GLIS3: variants seen among roughly 807,000 people sequenced by gnomAD.
The protein encoded by GLIS3 is GLIS family zinc finger 3.
Under a neutral mutation model 78.6 loss-of-function variants are expected in GLIS3, and 53 were observed. The ratio of observed to expected loss-of-function variants is 0.67; its 90% CI spans 0.54 to 0.85. GLIS3 has a LOEUF of 0.85. Among genes scored for constraint, GLIS3 ranks in the 40% least tolerant of loss-of-function variants. GLIS3 has a pLI of 0.00. For synonymous variants in GLIS3, 684 were observed against 509.9 expected (o/e 1.34, Z -4.60); for missense variants, 1,703 against 1,231.1 (o/e 1.38, Z -5.74).
At chr9:4,449,399 T>C in the GLIS3 span, among the ~76,000 whole-genome samples, 2 of 152,132 alleles carry the variant, frequency 1.3e-5, no homozygotes, top group East Asian at 1.9e-4. Context: ...CAGGGCATAG[T>C]TGAACAAAAG....
At chr9:3,981,232 T>C (rs1213567817) in intron 4 of GLIS3, among the ~76,000 whole-genome samples, 4 of 152,128 alleles carry the variant, frequency 2.6e-5, no homozygotes, top group South Asian at 2.1e-4. Flanking sequence ...GACAGGACTT[T>C]AGGTCTTTTC....
chr9:4,447,600 G>C, the GLIS3 span, among the ~76,000 whole-genome samples: 1 of 152,114 alleles, frequency 6.6e-6, no homozygotes, highest in South Asian at 2.1e-4. Context: ...CTTCATTCTT[G>C]CTTAGAAGTG....
At chr9:3,920,398 T>C (rs1307690389) in intron 6 of GLIS3, among the ~76,000 whole-genome samples, 1 of 152,132 alleles carries the variant, frequency 6.6e-6, no homozygotes, top group Non-Finnish European at 1.5e-5. Context: ...GTTTTTGCTA[T>C]GTTAAAGTGT....
At position 4,004,202 on chromosome 9, in the gene GLIS3, T is replaced by A. The variant is rs149763573; in HGVS notation, c.1711-67013A>T. 1.8e-4 allele frequency among the ~76,000 whole-genome samples: 27 copies of A among 152,250 alleles called. 1 individual carries two copies. In the East Asian group the frequency reaches 5.2e-3, roughly 29 times the overall value. Reference sequence around the variant, plus strand: ...TCTTTTGGAGGAACAAGGGAATGAATTAAAAATATGAGGAAAACAACTCCT... The same window carrying A: ...TCTTTTGGAGGAACAAGGGAATGAAATAAAAATATGAGGAAAACAACTCCT... On this transcript the variant is annotated intron_variant, in intron 4 of 10. Coordinates refer to ENST00000381971, the MANE Select transcript of GLIS3 (RefSeq NM_001042413.2).
At chr9:3,880,438 C>A (rs1298109463) in intron 7 of GLIS3, among the ~76,000 whole-genome samples, 2 of 152,160 alleles carry the variant, frequency 1.3e-5, no homozygotes, top group Non-Finnish European at 2.9e-5. Context: ...GTGTCTGGGA[C>A]CTACTCCGTA....
At chr9:3,848,601 A>C (rs562641593) in intron 9 of GLIS3, among the ~76,000 whole-genome samples, 1 of 152,378 alleles carries the variant, frequency 6.6e-6, no homozygotes, top group East Asian at 1.9e-4. Context: ...GCCCATAGGC[A>C]TCTTGCTGGA....
At chr9:4,126,199 A>T (rs1832563892) in intron 2 of GLIS3, among the ~76,000 whole-genome samples, 1 of 152,220 alleles carries the variant, frequency 6.6e-6, no homozygotes, top group South Asian at 2.1e-4. Flanking sequence ...GTGTCCAGTT[A>T]TATTAAAAAT....
intron 4 of GLIS3, among the ~76,000 whole-genome samples, chr9:3,970,032 T>G (rs1170301340): frequency 1.3e-5 from 2 of 152,242 alleles, no homozygotes; most frequent in Admixed American, 6.5e-5. Flanking sequence ...TAACGTTCAC[T>G]GCATTCACAC....
intron 2 of GLIS3, among the ~76,000 whole-genome samples, chr9:4,212,521 T>A (rs192039482): frequency 6.6e-6 from 1 of 152,178 alleles, no homozygotes. Flanking sequence ...AATACAGCAG[T>A]GTGTGCTACA....
chr9:4,437,970 T>G, the GLIS3 span, among the ~76,000 whole-genome samples: 1 of 152,186 alleles, frequency 6.6e-6, no homozygotes, highest in African/African-American at 2.4e-5. Flanking sequence ...TGTTCAACAG[T>G]GGGCTATTCA....
chr9:4,196,635 C>G (rs1027735580), intron 2 of GLIS3, among the ~76,000 whole-genome samples: 1 of 152,124 alleles, frequency 6.6e-6, no homozygotes, highest in Non-Finnish European at 1.5e-5. Context: ...CTCCTGAAGC[C>G]AGTGAGACCA....
At position 3,972,079 on chromosome 9, in the gene GLIS3, T is replaced by C. The variant is rs1484743512; in HGVS notation, c.1711-34890A>G. Among the ~76,000 whole-genome samples the C allele has an allele frequency of 2.0e-5, 3 of 152,294 alleles. No individual in the cohort carries two copies. The East Asian group carries it at 5.8e-4, about 29-fold the overall frequency. On this transcript the variant is annotated intron_variant, in intron 4 of 10. Transcript: ENST00000381971. Reference sequence around the variant, plus strand: ...GCGTGTTAGCATTTCGTATCTCTACTAGTTTTCATGTCTAGATCAGAATGC... The same window carrying C: ...GCGTGTTAGCATTTCGTATCTCTACCAGTTTTCATGTCTAGATCAGAATGC...
the GLIS3 span, among the ~76,000 whole-genome samples, chr9:4,364,004 A>G: frequency 1.9e-4 from 29 of 152,342 alleles, no homozygotes; most frequent in South Asian, 5.4e-3. Flanking sequence ...TCCCTTTGGT[A>G]GCCTTGGTTC....
At chr9:4,257,236 C>G (rs941206988) in intron 2 of GLIS3, among the ~76,000 whole-genome samples, 1 of 151,710 alleles carries the variant, frequency 6.6e-6, no homozygotes, top group African/African-American at 2.4e-5. Flanking sequence ...ATAAGCCACA[C>G]AGAGAAAGAA....
At chr9:4,241,598 G>C (rs1823319119) in intron 2 of GLIS3, among the ~76,000 whole-genome samples, 2 of 151,926 alleles carry the variant, frequency 1.3e-5, no homozygotes, top group South Asian at 4.1e-4. Flanking sequence ...AATATGTACA[G>C]CTATTATCAA....
chr9:4,399,916 G>A, the GLIS3 span, among the ~76,000 whole-genome samples: 1 of 152,202 alleles, frequency 6.6e-6, no homozygotes, highest in Non-Finnish European at 1.5e-5. Context: ...AGGGCCAGAG[G>A]TGAGATACTA....
intron 4 of GLIS3, among the ~76,000 whole-genome samples, chr9:4,019,364 C>T (rs182226661): frequency 6.6e-6 from 1 of 152,204 alleles, no homozygotes; most frequent in Admixed American, 6.5e-5. Context: ...GAATAGACAC[C>T]ACATGTAGAT....
chr9:4,458,607 G>C, the GLIS3 span, among the ~76,000 whole-genome samples: 73 of 152,228 alleles, frequency 4.8e-4, no homozygotes, highest in African/African-American at 1.7e-3. Context: ...GGCCAACATA[G>C]TGAAATCCCA....
At chr9:4,239,233 G>A (rs1228158369) in intron 2 of GLIS3, among the ~76,000 whole-genome samples, 2 of 149,674 alleles carry the variant, frequency 1.3e-5, no homozygotes, top group Non-Finnish European at 3.0e-5. Context: ...CGAGTTAATG[G>A]GTGCAGCACA....
Sources: gnomAD v4.1 joint callset for allele counts (sites outside exome capture counted in the v4.1 genomes callset) on GRCh38, gnomAD v4.1.1 for gene constraint, MANE v1.5 for transcripts, NCBI Gene and HGNC (gene_info 2026-07-23, HGNC 2026-07-21) for gene names.